The following SUPT3H variants were observed in gnomAD, a reference collection of about 807,000 sequenced individuals.
SUPT3H encodes transcription initiation protein SPT3 homolog.
Under a neutral mutation model 44.3 loss-of-function variants are expected in SUPT3H, and 44 were observed. That is an observed-to-expected ratio of 0.99 (90% CI 0.78 to 1.28). SUPT3H has a LOEUF of 1.28. Ranked by LOEUF, SUPT3H falls within the 50% of genes most tolerant of loss-of-function variation. SUPT3H has a pLI of 0.00. For synonymous variants in SUPT3H, 124 were observed against 125.6 expected (o/e 0.99, Z 0.09); for missense variants, 380 against 387.1 (o/e 0.98, Z 0.15).
rs184664743 is a variant in SUPT3H at position 45,278,290 on chromosome 6, A to G, written c.101+86911T>C. ...ACATGTATCCCAGAACTAAAAGTATAATTTAAAAAAAAAGAAAATATACTT... is the reference window on the plus strand; with the variant it reads ...ACATGTATCCCAGAACTAAAAGTATGATTTAAAAAAAAAGAAAATATACTT... On this transcript the variant is annotated intron_variant, in intron 2 of 10. Transcript: ENST00000371459. Among the ~76,000 whole-genome samples, 19 of 152,300 alleles carry G rather than the reference A, an allele frequency of 1.2e-4. No individual in the cohort carries two copies. In the East Asian group the frequency reaches 3.3e-3, roughly 26 times the overall value.
intron 2 of SUPT3H, among the ~76,000 whole-genome samples, chr6:45,324,326 T>C (rs932960753): frequency 1.3e-5 from 2 of 151,914 alleles, no homozygotes; most frequent in East Asian, 1.9e-4. Context: ...CAAGAAACAA[T>C]TAAAAACAGC....
chr6:45,075,110 G>A (rs573346137), intron 3 of SUPT3H, among the ~76,000 whole-genome samples: 13 of 151,998 alleles, frequency 8.6e-5, no homozygotes, highest in African/African-American at 2.6e-4. Flanking sequence ...GTGCCTTTTC[G>A]GCATACAATT....
chr6:44,812,869 G>T (rs1226666025), intron 11 of SUPT3H, among the ~76,000 whole-genome samples: 2 of 152,172 alleles, frequency 1.3e-5, no homozygotes, highest in African/African-American at 4.8e-5. Context: ...AAACTACAGA[G>T]AAATAAGTCT....
rs575137455 is a variant in SUPT3H at position 44,881,110 on chromosome 6, G to T, written c.913-51253C>A. Among the ~76,000 whole-genome samples the T allele has an allele frequency of 6.6e-5, 10 of 152,220 alleles. No homozygotes were observed. In the South Asian group the frequency reaches 1.9e-3, roughly 28 times the overall value. On this transcript the variant is annotated intron_variant, in intron 10 of 10. Transcript: ENST00000371459. ...TTAAAAGACACAGACTGGCACATTG[G>T]ATAAGACCCATTGGTGTGGTGTATT...
intron 6 of SUPT3H, among the ~76,000 whole-genome samples, chr6:44,980,336 T>C (rs771214909): frequency 6.6e-6 from 1 of 151,866 alleles, no homozygotes; most frequent in Non-Finnish European, 1.5e-5. Context: ...AAACAACATA[T>C]AACAAAATCA....
chr6:45,068,386 C>T (rs1184278669), intron 3 of SUPT3H, among the ~76,000 whole-genome samples: 3 of 145,812 alleles, frequency 2.1e-5, no homozygotes, highest in Non-Finnish European at 4.5e-5. Flanking sequence ...GTGGGTGCAG[C>T]ACACCAGCAT....
chr6:45,193,832 A>T (rs1012055519), intron 2 of SUPT3H, among the ~76,000 whole-genome samples: 10 of 152,268 alleles, frequency 6.6e-5, no homozygotes, highest in African/African-American at 2.4e-4. Context: ...ATTGCAATAC[A>T]GAATTCTTAG....
intron 2 of SUPT3H, among the ~76,000 whole-genome samples, chr6:45,221,997 T>G (rs1766142417): frequency 6.6e-6 from 1 of 152,096 alleles, no homozygotes. Flanking sequence ...CACAGATTTT[T>G]TAGAAGCTTA....
At chr6:44,870,713 T>C (rs1268904041) in intron 10 of SUPT3H, among the ~76,000 whole-genome samples, 1 of 150,866 alleles carries the variant, frequency 6.6e-6, no homozygotes, top group East Asian at 1.9e-4. Context: ...AGACGGGTGA[T>C]TTCTGCATTT....
At chr6:45,127,268 C>T (rs957787107) in intron 2 of SUPT3H, among the ~76,000 whole-genome samples, 2 of 152,012 alleles carry the variant, frequency 1.3e-5, no homozygotes, top group African/African-American at 2.4e-5. Flanking sequence ...GAGCTGAGAT[C>T]GTGCCACCAA....
intron 10 of SUPT3H, among the ~76,000 whole-genome samples, chr6:44,897,206 A>G (rs1424076188): frequency 6.6e-6 from 1 of 152,200 alleles, no homozygotes; most frequent in Non-Finnish European, 1.5e-5. Context: ...TACAGTGAGG[A>G]TACACACTTG....
chr6:45,284,745 G>A (rs541790277), intron 2 of SUPT3H, among the ~76,000 whole-genome samples: 50 of 152,280 alleles, frequency 3.3e-4, no homozygotes, highest in Admixed American at 7.2e-4. Flanking sequence ...CTCATTTTAT[G>A]AGGCCAGCAT....
chr6:45,283,033 G>C (rs1562866573), intron 2 of SUPT3H, among the ~76,000 whole-genome samples: 1 of 152,158 alleles, frequency 6.6e-6, no homozygotes, highest in Non-Finnish European at 1.5e-5. Context: ...GCAAGCAAAT[G>C]CTGAGAGATT....
chr6:45,276,139 T>A (rs1405038481), intron 2 of SUPT3H, among the ~76,000 whole-genome samples: 2 of 152,058 alleles, frequency 1.3e-5, no homozygotes, highest in Admixed American at 1.3e-4. Context: ...ACTGCATTAC[T>A]GTTTATTTTA....
intron 2 of SUPT3H, among the ~76,000 whole-genome samples, chr6:45,119,004 G>A (rs560650622): frequency 1.1e-4 from 16 of 152,262 alleles, no homozygotes; most frequent in African/African-American, 2.4e-4. Context: ...CCCAGTTATC[G>A]TAGTTGAGTT....
chr6:45,321,790 A>G, intron 2 of SUPT3H: 21 of 1,593,196 alleles, frequency 1.3e-5, no homozygotes, highest in Non-Finnish European at 1.7e-5. Flanking sequence ...ATTTCCCACT[A>G]CTTACCTGCC....
At chr6:45,127,951 T>C (rs913383548) in intron 2 of SUPT3H, among the ~76,000 whole-genome samples, 2 of 152,230 alleles carry the variant, frequency 1.3e-5, no homozygotes, top group Non-Finnish European at 2.9e-5. Context: ...TCAGCTTTGC[T>C]TCCTGTATTT....
intron 2 of SUPT3H, among the ~76,000 whole-genome samples, chr6:45,284,006 T>A (rs1321096411): frequency 6.7e-6 from 1 of 150,236 alleles, no homozygotes; most frequent in Non-Finnish European, 1.5e-5. Context: ...TAATGAAATA[T>A]GAAATGAAAA....
At chr6:45,133,170 T>A (rs1451245750) in intron 2 of SUPT3H, among the ~76,000 whole-genome samples, 1 of 152,218 alleles carries the variant, frequency 6.6e-6, no homozygotes, top group African/African-American at 2.4e-5. Flanking sequence ...GAAGGCAGTA[T>A]CAAAGTTCTA....
Sources: gnomAD v4.1 joint callset for allele counts (sites outside exome capture counted in the v4.1 genomes callset) on GRCh38, gnomAD v4.1.1 for gene constraint, MANE v1.5 for transcripts, NCBI Gene and HGNC (gene_info 2026-07-23, HGNC 2026-07-21) for gene names.